Variants in RANBP2 observed in about 807,000 individuals in gnomAD.
RANBP2 encodes E3 SUMO-protein ligase RanBP2.
Under a neutral mutation model 303.6 loss-of-function variants are expected in RANBP2, and 57 were observed. The observed-to-expected ratio is 0.19, with a 90% confidence interval of 0.15 to 0.23. RANBP2 has a LOEUF of 0.23. RANBP2 is among the 10% of genes least tolerant of loss of function. RANBP2 has a pLI of 1.00. For synonymous variants in RANBP2, 1,167 were observed against 1,301.5 expected (o/e 0.90, Z 2.23); for missense variants, 3,138 against 3,780.8 (o/e 0.83, Z 4.46).
chr2:109,150,309 T>TG, the RANBP2 span, among the ~76,000 whole-genome samples: 1 of 150,236 alleles, frequency 6.7e-6, no homozygotes, highest in East Asian at 2.0e-4. Context: ...GGGGAAGGGT[T>TG]GGGGGAGGGG....
At chr2:109,115,368 C>T in the RANBP2 span, among the ~76,000 whole-genome samples, 24 of 152,136 alleles carry the variant, frequency 1.6e-4, no homozygotes, top group East Asian at 1.2e-3. Context: ...TGAATTGATC[C>T]CTTTACCATT....
the RANBP2 span, among the ~76,000 whole-genome samples, chr2:109,473,802 G>T: frequency 7.1e-6 from 1 of 141,246 alleles, no homozygotes; most frequent in African/African-American, 2.6e-5. Context: ...AGCCCCCCGT[G>T]CACAGCCAGC....
the RANBP2 span, chr2:108,873,366 C>T: frequency 4.4e-6 from 5 of 1,143,200 alleles, no homozygotes; most frequent in Non-Finnish European, 4.7e-6. Flanking sequence ...TTTATAAATG[C>T]CTCACATAGT....
At chr2:109,596,973 T>TGG in the RANBP2 span, among the ~76,000 whole-genome samples, 2 of 152,246 alleles carry the variant, frequency 1.3e-5, no homozygotes, top group African/African-American at 4.8e-5. Flanking sequence ...AAACAGGTTC[T>TGG]GGCTCTGTCA....
At chr2:109,611,048 C>A in the RANBP2 span, among the ~76,000 whole-genome samples, 2 of 152,180 alleles carry the variant, frequency 1.3e-5, no homozygotes, top group Non-Finnish European at 2.9e-5. Flanking sequence ...ATATGCTCAA[C>A]TGACTTTTGA....
At chr2:109,281,519 C>G in the RANBP2 span, among the ~76,000 whole-genome samples, 2 of 152,182 alleles carry the variant, frequency 1.3e-5, no homozygotes, top group Non-Finnish European at 2.9e-5. Flanking sequence ...CCTGCTGGTC[C>G]TCAGCAGAGC....
At chr2:109,120,007 C>A in the RANBP2 span, among the ~76,000 whole-genome samples, 1 of 152,234 alleles carries the variant, frequency 6.6e-6, no homozygotes, top group Non-Finnish European at 1.5e-5. Context: ...TCATTCAGGC[C>A]TTCACCTGAT....
At chr2:109,408,852 G>A in the RANBP2 span, among the ~76,000 whole-genome samples, 12 of 152,320 alleles carry the variant, frequency 7.9e-5, no homozygotes, top group Middle Eastern at 3.4e-3. Context: ...TGATGGGTGC[G>A]CACAGGGAGG....
At chr2:109,210,352 T>C in the RANBP2 span, among the ~76,000 whole-genome samples, 1 of 152,360 alleles carries the variant, frequency 6.6e-6, no homozygotes, top group African/African-American at 2.4e-5. Flanking sequence ...TTAATGTCAC[T>C]GATCTGTGAA....
chr2:108,910,659 A>AT, the RANBP2 span: 1 of 1,426,484 alleles, frequency 7.0e-7, no homozygotes, highest in Non-Finnish European at 9.8e-7. Flanking sequence ...CCCCACGGTA[A>AT]GCACAGTATG....
At chr2:109,553,096 AGCTTCTTTCAATATG>A in the RANBP2 span, 1 of 1,612,538 alleles carries the variant, frequency 6.2e-7, no homozygotes, top group Non-Finnish European at 8.5e-7. Flanking sequence ...CCTCTCTCTC[AGCTTCTTTCAATATG>A]GCTTCTTTCT....
At chr2:109,288,020 T>C in the RANBP2 span, among the ~76,000 whole-genome samples, 1 of 133,564 alleles carries the variant, frequency 7.5e-6, no homozygotes, top group Non-Finnish European at 1.7e-5. Context: ...CCATGGCCTT[T>C]TGGCTGACTG....
the RANBP2 span, chr2:108,882,541 T>C: frequency 0.73 from 110,841 of 152,102 alleles, 43,130 homozygotes; most frequent in East Asian, 0.95. Flanking sequence ...GTGCTTTATC[T>C]CATTCTCTTG....
At chr2:109,425,400 C>T in the RANBP2 span, among the ~76,000 whole-genome samples, 6 of 152,320 alleles carry the variant, frequency 3.9e-5, no homozygotes, top group African/African-American at 1.4e-4. Context: ...GACAAAACAG[C>T]CCTATATTGG....
chr2:108,791,606 A>G, the RANBP2 span: 28 of 1,520,012 alleles, frequency 1.8e-5, no homozygotes, highest in South Asian at 9.2e-5. Context: ...ATATTTGAAA[A>G]GCAGTTTTAT....
chr2:109,608,629 A>G, the RANBP2 span, among the ~76,000 whole-genome samples: 1 of 152,242 alleles, frequency 6.6e-6, no homozygotes, highest in Non-Finnish European at 1.5e-5. Flanking sequence ...ACAAAGTATA[A>G]GTGCTATATC....
the RANBP2 span, among the ~76,000 whole-genome samples, chr2:109,082,194 C>G: frequency 6.6e-6 from 1 of 152,250 alleles, no homozygotes; most frequent in African/African-American, 2.4e-5. Flanking sequence ...CTTCTGCTTC[C>G]AGACTTCAGA....
chr2:109,368,708 T>TAAAAA, the RANBP2 span, among the ~76,000 whole-genome samples: 7 of 136,810 alleles, frequency 5.1e-5, no homozygotes, highest in Admixed American at 2.2e-4. Flanking sequence ...GTATTTTCTT[T>TAAAAA]AAAAAAAAAA....
At chr2:109,483,700 G>A in the RANBP2 span, among the ~76,000 whole-genome samples, 1 of 152,216 alleles carries the variant, frequency 6.6e-6, no homozygotes, top group Admixed American at 6.5e-5. Context: ...TGCAGGCACA[G>A]AGCACATTCT....
Sources: gnomAD v4.1 joint callset for allele counts (sites outside exome capture counted in the v4.1 genomes callset) on GRCh38, gnomAD v4.1.1 for gene constraint, MANE v1.5 for transcripts, NCBI Gene and HGNC (gene_info 2026-07-23, HGNC 2026-07-21) for gene names.